DOCK5: variants seen among roughly 807,000 people sequenced by gnomAD.
DOCK5 encodes dedicator of cytokinesis protein 5.
A neutral mutation model predicts 251.8 loss-of-function variants in DOCK5; 142 were observed. The ratio of observed to expected loss-of-function variants is 0.56; its 90% confidence interval spans 0.49 to 0.65. The LOEUF is 0.65. Ranked by LOEUF, DOCK5 falls within the 30% of genes least tolerant of loss-of-function variation. The pLI, the probability that DOCK5 is intolerant of heterozygous loss-of-function variation, is 0.00. For synonymous variants in DOCK5, 842 were observed against 835.5 expected, an observed-to-expected ratio of 1.01 and a Z score of -0.13; for missense variants, 2,111 against 2,312.3, an observed-to-expected ratio of 0.91 and a Z score of 1.79.
At chr8:25,339,704 G>A (rs1051215253) in intron 22 of DOCK5, among the ~76,000 whole-genome samples, 1 of 152,208 alleles carries the variant, frequency 6.6e-6, no homozygotes. Flanking sequence ...ACCCAGTGTC[G>A]GGAGAGAGAG....
chr8:25,274,589 G>A (rs565810690), intron 3 of DOCK5, among the ~76,000 whole-genome samples: 1 of 152,306 alleles, frequency 6.6e-6, no homozygotes, highest in East Asian at 1.9e-4. Flanking sequence ...CATGGGCAGT[G>A]TTACAATACT....
At chr8:25,294,740 C>G (rs1331551555) in intron 6 of DOCK5, among the ~76,000 whole-genome samples, 3 of 152,174 alleles carry the variant, frequency 2.0e-5, no homozygotes, top group Non-Finnish European at 4.4e-5. Flanking sequence ...GTTTAATTGA[C>G]TCATGGTCTG....
rs1563225050 is a variant in DOCK5 at position 25,384,447 on chromosome 8, A to ATTTTTTTTTTTT, written c.4131+1672_4131+1673insTTTTTTTTTTTT. The stretch of plus-strand genomic sequence containing the variant: ...ATATTATTATTTTATTTATTTATTT[A>ATTTTTTTTTTTT]TTTATTTATTTATTTATTTTTTTTT... On this transcript the variant is annotated intron_variant, in intron 40 of 51. Transcript: ENST00000276440. Among the ~76,000 whole-genome samples the ATTTTTTTTTTTT allele has an allele frequency of 1.2e-4, 3 of 25,278 alleles. 1 individual carries two copies. The allele number at this position is 25,278 out of a possible 152,430, so 16.6% of individuals were successfully genotyped here.
chr8:25,279,553 G>C (rs975920916), intron 5 of DOCK5, among the ~76,000 whole-genome samples: 1 of 151,144 alleles, frequency 6.6e-6, no homozygotes, highest in African/African-American at 2.4e-5. Flanking sequence ...TGCAAGCTCC[G>C]CCTCTTGGGT....
In DOCK5 at chr8:25,246,429, A is replaced by G. The variant is rs543226711; in HGVS notation, c.127+2672A>G. Among the ~76,000 whole-genome samples, 7 of 152,214 alleles carry G rather than the reference A, an allele frequency of 4.6e-5. No individual in the cohort carries two copies. In the South Asian group the frequency reaches 1.5e-3, roughly 32 times the overall value. On this transcript the variant is annotated intron_variant, in intron 2 of 51. Transcript: ENST00000276440. ...GTTGGGATTACAGACACCCGCCGCC[A>G]TGCCTGGCTAATTTTTGTATTTTTA...
At chr8:25,329,714 T>A (rs978424068) in intron 18 of DOCK5, among the ~76,000 whole-genome samples, 8 of 152,134 alleles carry the variant, frequency 5.3e-5, no homozygotes, top group African/African-American at 1.9e-4. Flanking sequence ...CGTATGAGAA[T>A]GTTCATGGCG....
chr8:25,308,849 G>A lies in DOCK5; in HGVS notation c.1116G>A (p.Val372=). ...LIMSPLITSH[V]IGENEPLTSV... ...TGTCGCCTTTGATAACATCACACGTGATTGGGGAGAATGAGCCACTCACTT... is the reference window on the plus strand; with the variant it reads ...TGTCGCCTTTGATAACATCACACGTAATTGGGGAGAATGAGCCACTCACTT... The change falls in exon 12 of 52, where the codon GTG becomes GTA. Residue 372 remains valine (V), a synonymous_variant. Coordinates refer to ENST00000276440, the MANE Select transcript of DOCK5 (RefSeq NM_024940.8). 6.2e-7 allele frequency: 1 copy of A among 1,613,904 alleles called. No individual in the cohort carries two copies. Among genetic ancestry groups the A allele is most frequent in the Non-Finnish European group, 8.5e-7 (1 of 1,179,824 alleles).
Position 25,373,804 on chromosome 8 carries a change from C to T in DOCK5, c.3725+146C>T, listed in dbSNP as rs192490564. On this transcript the variant is annotated intron_variant, in intron 36 of 51. Coordinates refer to ENST00000276440, the MANE Select transcript of DOCK5 (RefSeq NM_024940.8). ...ATGATACGCTCCATTCACCCTGAAC[C>T]GACAAACTCTTTAGACAGATACATG... is the stretch of plus-strand genomic sequence containing the variant. 8.6e-5 allele frequency: 62 copies of T among 720,162 alleles called. No individual in the cohort carries two copies. The African/African-American group carries it at 9.0e-4, about 10-fold the overall frequency. The allele number at this position is 720,162 out of a possible 1,614,324, so 44.6% of individuals were successfully genotyped here. A position where few individuals can be genotyped will look rare whatever the true frequency, so the allele number is the denominator to read the frequency against.
rs1054798288 is a variant in DOCK5 at position 25,319,634 on chromosome 8, C to T, written c.1500C>T (p.Val500=). 6 of 1,591,382 alleles carry T rather than the reference C, an allele frequency of 3.8e-6. No individual in the cohort carries two copies. In the African/African-American group the frequency reaches 8.0e-5, roughly 21 times the overall value. ...GCATTTCAGAATACAAATCAGTAGTCTATTACCAAGTCAAGCAGCCCTGTT... is the reference window on the plus strand; with the variant it reads ...GCATTTCAGAATACAAATCAGTAGTTTATTACCAAGTCAAGCAGCCCTGTT... The part of the protein sequence containing the change: ...YEGISEYKSV[V]YYQVKQPCWY... Residue 500 remains valine, a synonymous_variant, in exon 15 of 52, where the codon GTC becomes GTT. Coordinates refer to ENST00000276440, the MANE Select transcript of DOCK5 (RefSeq NM_024940.8).
At chr8:25,190,325 A>G (rs774580735) in intron 1 of DOCK5, among the ~76,000 whole-genome samples, 18 of 152,234 alleles carry the variant, frequency 1.2e-4, no homozygotes, top group Non-Finnish European at 2.2e-4. Context: ...AAAGTTCGTG[A>G]TACTGCAGTA....
At chr8:25,277,450 G>A (rs1009143634) in intron 4 of DOCK5, 2 of 151,928 alleles carry the variant, frequency 1.3e-5, no homozygotes, top group Admixed American at 1.3e-4. Context: ...AAGAGGAAGG[G>A]CCCACCAAGA....
Position 25,298,962 on chromosome 8 carries a change from G to A in DOCK5, c.625G>A (p.Asp209Asn), listed in dbSNP as rs769071784. The A allele has an allele frequency of 5.6e-6, 9 of 1,611,984 alleles. No individual in the cohort carries two copies. Among genetic ancestry groups the A allele is most frequent in the East Asian group, 4.5e-5 (2 of 44,794 alleles). Reference sequence around the variant, plus strand: ...TGTTCAGTCAATCCTGCAGAACCTCGATTTGCGGGGCCAGTCCATCTTCAG... The same window carrying A: ...TGTTCAGTCAATCCTGCAGAACCTCAATTTGCGGGGCCAGTCCATCTTCAG... ...QEEKSILQNLDLRGQSIFSTI... is the reference protein window; with the variant it reads ...QEEKSILQNLNLRGQSIFSTI... Residue 209 changes from aspartate to asparagine, a missense_variant, in exon 8 of 52, where the codon GAT (aspartate) becomes AAT (asparagine). Asp to Asn is a conservative substitution (Grantham distance 23). Coordinates refer to ENST00000276440, the MANE Select transcript of DOCK5 (RefSeq NM_024940.8).
intron 48 of DOCK5, 143 bp from the exon 49 acceptor site, chr8:25,407,840 A>T: frequency 9.3e-6 from 9 of 965,844 alleles, no homozygotes; most frequent in Non-Finnish European, 1.3e-5. Context: ...CTCCAGCCTG[A>T]ATGATGGGAG....
At chr8:25,363,289 T>C (rs942620397) in intron 29 of DOCK5, 148 bp downstream of exon 29, 34 of 681,080 alleles carry the variant, frequency 5.0e-5, no homozygotes, top group Non-Finnish European at 7.5e-5. Context: ...CTAATTTATG[T>C]GCTCGTGATC....
At chr8:25,351,407 C>G in intron 26 of DOCK5, 2 of 291,910 alleles carry the variant, frequency 6.9e-6, no homozygotes, top group South Asian at 7.9e-5. Context: ...ATACGTCATG[C>G]TAATGGGGGT....
intron 42 of DOCK5, 119 bp from the exon 43 acceptor site, chr8:25,391,777 G>C: frequency 1.4e-6 from 1 of 716,704 alleles, no homozygotes; most frequent in East Asian, 3.0e-5. Flanking sequence ...TATTGATTAT[G>C]AGATAGCTTA....
In DOCK5 at chr8:25,296,621, G is replaced by A. The variant is rs1279405815; in HGVS notation, c.579G>A (p.Arg193=). 2.5e-6 allele frequency: 4 copies of A among 1,612,724 alleles called. No homozygotes were observed. Among genetic ancestry groups the A allele is most frequent in the Non-Finnish European group, 3.4e-6 (4 of 1,179,388 alleles). The change falls in exon 7 of 52, where the codon AGG becomes AGA. Residue 193 remains arginine (R), a synonymous_variant. Coordinates refer to ENST00000276440, the MANE Select transcript of DOCK5 (RefSeq NM_024940.8). The part of the protein sequence containing the change: ...LFKAHEVASK[R]IEEKIQEEKS... ...AGGCCCATGAGGTGGCCTCCAAAAG[G>A]ATTGAGGAAAAGATCCAAGAAGAGA...
chr8:25,364,854 T>C (rs1319279302), intron 30 of DOCK5, 150 bp downstream of exon 30: 2 of 588,618 alleles, frequency 3.4e-6, no homozygotes, highest in Non-Finnish European at 6.0e-6. Flanking sequence ...CATATGCCTG[T>C]CACACTGTCC....
At chr8:25,393,883 T>C (rs548353026) in intron 44 of DOCK5, among the ~76,000 whole-genome samples, 27 of 152,344 alleles carry the variant, frequency 1.8e-4, no homozygotes, top group African/African-American at 6.0e-4. Context: ...TAGCCTAAAG[T>C]AGGTGTTCAA....
Sources: gnomAD v4.1 joint callset for allele counts (sites outside exome capture counted in the v4.1 genomes callset) on GRCh38, gnomAD v4.1.1 for gene constraint, MANE v1.5 for transcripts, NCBI Gene and HGNC (gene_info 2026-07-23, HGNC 2026-07-21) for gene names.